The following CMTM4 variants were observed in gnomAD, a reference collection of about 807,000 sequenced individuals.
CMTM4 encodes the protein CKLF-like MARVEL transmembrane domain-containing protein 4.
A neutral mutation model predicts 19.0 loss-of-function variants in CMTM4; 8 were observed. That is an observed-to-expected ratio of 0.42 (90% CI 0.25 to 0.76). The LOEUF (loss-of-function observed/expected upper bound fraction) is 0.76, where lower values mean the gene tolerates loss of function less well. CMTM4 is among the 30% of genes least tolerant of loss of function. The pLI, the probability that CMTM4 is intolerant of heterozygous loss-of-function variation, is 0.27. For missense variants in CMTM4, 228 were observed against 290.2 expected (o/e 0.79, Z 1.56); for synonymous variants, 106 against 121.1 (o/e 0.88, Z 0.82).
chr16:66,625,670 G>GA (rs1399836464), intron 2 of CMTM4, among the ~76,000 whole-genome samples: 2 of 151,544 alleles, frequency 1.3e-5, no homozygotes, highest in African/African-American at 2.4e-5. Context: ...TAAACCAGGG[G>GA]AAAAAAACGC....
chr16:66,609,396 G>A, the CMTM4 span: 3 of 1,577,444 alleles, frequency 1.9e-6, no homozygotes, highest in Non-Finnish European at 2.6e-6. This position sits in a 1 kb window ranked among gnomAD's most constrained non-coding sequence, Gnocchi z 4.4. Context: ...GCTGTGCTCA[G>A]CTCCAGGGGC....
chr16:66,660,654 G>C (rs954461662), intron 1 of CMTM4, among the ~76,000 whole-genome samples: 5 of 152,048 alleles, frequency 3.3e-5, no homozygotes, highest in Admixed American at 3.3e-4. Context: ...TTAACTTAGA[G>C]GTATTTTCTA....
intron 1 of CMTM4, among the ~76,000 whole-genome samples, chr16:66,662,399 T>C (rs1010433904): frequency 4.6e-5 from 7 of 152,132 alleles, no homozygotes; most frequent in Non-Finnish European, 7.4e-5. Flanking sequence ...CTGGTATAGA[T>C]AGGGAGTCCA....
chr16:66,600,140 T>TTTTTC, the CMTM4 span, among the ~76,000 whole-genome samples: 1 of 139,666 alleles, frequency 7.2e-6, no homozygotes, highest in Non-Finnish European at 1.6e-5. Flanking sequence ...GTGTGTGTTT[T>TTTTTC]TTTTTGTTTT....
At position 66,621,833 on chromosome 16, in the gene CMTM4, G is replaced by C; in HGVS notation, c.*225C>G. ...GTAAGACCTCAAGTGGACCTGGGCA[G>C]TGACGCCGGCTGCTCCACAGCCCCA... On this transcript the variant is annotated 3_prime_UTR_variant, in exon 4 of 4. Transcript: ENST00000394106. The C allele has an allele frequency of 7.2e-7, 1 of 1,385,862 alleles. No individual in the cohort carries two copies. The highest frequency in any genetic ancestry group is 2.7e-4 in the Middle Eastern group (1 of 3,704). 85.8% of individuals were successfully genotyped at this position (1,385,862 alleles called of 1,614,324 possible).
chr16:66,617,764 G>A lies in CMTM4; in HGVS notation c.*4294C>T. The A allele has an allele frequency of 1.0e-6, 1 of 1,003,890 alleles. No homozygotes were observed. The highest frequency in any genetic ancestry group is 1.7e-5 in the African/African-American group (1 of 57,480). The allele number at this position is 1,003,890 out of a possible 1,614,324, so 62.2% of individuals were successfully genotyped here. ...GGCCTGCGTCCTGTCTGAGATGGCA[G>A]CCAAGCCAGCTTCAGAGTCACCTGC... is the stretch of plus-strand genomic sequence containing the variant. On this transcript the variant is annotated 3_prime_UTR_variant, in exon 4 of 4. Transcript: ENST00000394106.
downstream of CMTM4, chr16:66,609,882 G>C (rs866588793): frequency 6.2e-7 from 1 of 1,614,172 alleles, no homozygotes; most frequent in Admixed American, 1.7e-5. The surrounding 1 kb of genome is among the most constrained non-coding windows in gnomAD (Gnocchi z 4.4). Flanking sequence ...CCTGTCCACA[G>C]GTGTTTGGCT....
intron 2 of CMTM4, among the ~76,000 whole-genome samples, chr16:66,632,870 G>T (rs1403562495): frequency 2.0e-5 from 3 of 151,686 alleles, no homozygotes; most frequent in Non-Finnish European, 4.4e-5. Flanking sequence ...GTCACCTGAG[G>T]TTGGGAGTCC....
At chr16:66,606,800 C>T in the CMTM4 span, among the ~76,000 whole-genome samples, 5 of 152,190 alleles carry the variant, frequency 3.3e-5, no homozygotes, top group African/African-American at 1.2e-4. Context: ...CGAGACCAGC[C>T]TGGCCAGCAT....
At chr16:66,637,541 T>C (rs1596919308) in intron 1 of CMTM4, among the ~76,000 whole-genome samples, 3 of 151,682 alleles carry the variant, frequency 2.0e-5, no homozygotes, top group South Asian at 4.2e-4. Flanking sequence ...CGAAATTCCA[T>C]CTCAAAAAAA....
At chr16:66,605,935 G>A in the CMTM4 span, among the ~76,000 whole-genome samples, 2 of 151,986 alleles carry the variant, frequency 1.3e-5, no homozygotes, top group East Asian at 1.9e-4. The surrounding 1 kb of genome is among the most constrained non-coding windows in gnomAD (Gnocchi z 4.6). Flanking sequence ...GCCACACTCC[G>A]AGCCCACACT....
chr16:66,611,888 G>T (rs2015389217), downstream of CMTM4, among the ~76,000 whole-genome samples: 1 of 151,886 alleles, frequency 6.6e-6, no homozygotes, highest in Admixed American at 6.6e-5. Context: ...GAGGCTTGCT[G>T]ATTTTCCAGT....
Position 66,618,086 on chromosome 16 carries a change from G to A in CMTM4, c.*3972C>T, listed in dbSNP as rs2015558849. 1.0e-6 allele frequency: 1 copy of A among 985,422 alleles called. No individual in the cohort carries two copies. Among genetic ancestry groups the A allele is most frequent in the African/African-American group, 1.7e-5 (1 of 57,340 alleles). 61.0% of individuals were successfully genotyped at this position (985,422 alleles called of 1,614,324 possible). A position where few individuals can be genotyped will look rare whatever the true frequency, so the allele number is the denominator to read the frequency against. On this transcript the variant is annotated 3_prime_UTR_variant, in exon 4 of 4. Transcript: ENST00000394106. ...GCTGTTGGGCCTGGACGTGGGTGCT[G>A]ATAAAATAAGACAAACCTGGAAAAA...
In CMTM4 at chr16:66,696,138, T is replaced by C. The variant is rs2017229614; in HGVS notation, c.186+202A>G. Among the ~76,000 whole-genome samples the C allele has an allele frequency of 6.6e-6, 1 of 151,956 alleles. No homozygotes were observed. Among genetic ancestry groups the C allele is most frequent in the Non-Finnish European group, 1.5e-5 (1 of 67,962 alleles). The stretch of plus-strand genomic sequence containing the variant: ...AGGCGCACACCTGAGGCTGCCGGCC[T>C]GGGAAGGGCAGGCTCTGGCCGAAGG... On this transcript the variant is annotated intron_variant, in intron 1 of 3. Coordinates refer to ENST00000394106, the MANE Select transcript of CMTM4 (RefSeq NM_181521.3). The surrounding 1 kb of genome is among the most constrained non-coding windows in gnomAD (Gnocchi z 4.3).
chr16:66,680,801 C>CT (rs1295241468), intron 1 of CMTM4, among the ~76,000 whole-genome samples: 3 of 111,714 alleles, frequency 2.7e-5, no homozygotes, highest in African/African-American at 9.3e-5. Flanking sequence ...AAAAAAAAAA[C>CT]CATAATGGCC....
intron 2 of CMTM4, among the ~76,000 whole-genome samples, chr16:66,634,001 C>G (rs1229347868): frequency 6.6e-6 from 1 of 152,166 alleles, no homozygotes; most frequent in African/African-American, 2.4e-5. Context: ...AGGCCACCAC[C>G]ACCCAGAGGA....
In CMTM4 at chr16:66,618,781, A is replaced by C. The variant is rs1163039626; in HGVS notation, c.*3277T>G. The C allele has an allele frequency of 1.5e-5, 15 of 985,398 alleles. No individual in the cohort carries two copies. Among genetic ancestry groups the C allele is most frequent in the Non-Finnish European group, 1.8e-5 (15 of 829,964 alleles). The allele number at this position is 985,398 out of a possible 1,614,324, so 61.0% of individuals were successfully genotyped here. ...TTCAACTGAGTCACGAAGCTGTCCC[A>C]GAAGCACCCGACATAGGGTGGAGGT... On this transcript the variant is annotated 3_prime_UTR_variant, in exon 4 of 4. Coordinates refer to ENST00000394106, the MANE Select transcript of CMTM4 (RefSeq NM_181521.3).
chr16:66,622,251 C>T lies in CMTM4; in HGVS notation c.463-29G>A, dbSNP rs552358890. ...AAAACACACCAGCACAGTTAGTCCTCGGGCACGTGGCCTGGCCCCTCAAGG... is the reference window on the plus strand; with the variant it reads ...AAAACACACCAGCACAGTTAGTCCTTGGGCACGTGGCCTGGCCCCTCAAGG... On this transcript the variant is annotated intron_variant, in intron 3 of 3. Transcript: ENST00000394106. This position sits in a 1 kb window ranked among gnomAD's most constrained non-coding sequence, Gnocchi z 4.0. 75 of 1,608,854 alleles carry T rather than the reference C, an allele frequency of 4.7e-5. No homozygotes were observed. The highest frequency in any genetic ancestry group is 5.5e-5 in the Non-Finnish European group (65 of 1,177,652).
chr16:66,622,164 T>G lies in CMTM4; in HGVS notation c.521A>C (p.Lys174Thr). 1.2e-6 allele frequency: 2 copies of G among 1,613,918 alleles called. No individual in the cohort carries two copies. Among genetic ancestry groups the G allele is most frequent in the Non-Finnish European group, 1.7e-6 (2 of 1,179,952 alleles). The change falls in exon 4 of 4, where the codon AAA (lysine) becomes ACA (threonine). Residue 174 changes from lysine to threonine, a missense_variant. Physicochemically the swap from Lys to Thr is moderately conservative, Grantham distance 78 (BLOSUM62 -1). Around this residue, in one of 3 missense-constraint regions of CMTM4, gnomAD observed 200 missense variants for 226.6 expected, o/e 0.88. Coordinates refer to ENST00000394106, the MANE Select transcript of CMTM4 (RefSeq NM_181521.3). This position sits in a 1 kb window ranked among gnomAD's most constrained non-coding sequence, Gnocchi z 4.0. Reference sequence around the variant, plus strand: ...CTGCTGGCGGACGCTGACTCTCCATTTCTGCACTGCCAGGAATGTGTTCAC... The same window carrying G: ...CTGCTGGCGGACGCTGACTCTCCATGTCTGCACTGCCAGGAATGTGTTCAC... ...YAVNTFLAVQKWRVSVRQQST... is the reference protein window; with the variant it reads ...YAVNTFLAVQTWRVSVRQQST...
Sources: gnomAD v4.1 joint callset for allele counts (sites outside exome capture counted in the v4.1 genomes callset) on GRCh38, gnomAD v4.1.1 for gene constraint, gnomAD v4.1.1 regional missense constraint, Gnocchi (gnomAD v3.1) non-coding constraint, MANE v1.5 for transcripts, NCBI Gene and HGNC (gene_info 2026-07-23, HGNC 2026-07-21) for gene names.